The following SLC5A12 variants were observed in gnomAD, a reference collection of about 807,000 sequenced individuals.
SLC5A12 encodes sodium-coupled monocarboxylate transporter 2.
In SLC5A12, 46 loss-of-function variants were observed where a neutral mutation model predicts 72.7. The ratio of observed to expected loss-of-function variants is 0.63; its 90% CI spans 0.50 to 0.81. SLC5A12 has a LOEUF of 0.81. SLC5A12 is among the 30% of genes least tolerant of loss of function. The pLI, the probability that SLC5A12 is intolerant of heterozygous loss-of-function variation, is 0.00. For missense variants in SLC5A12, 683 were observed against 740.7 expected (o/e 0.92, Z 0.90); for synonymous variants, 275 against 264.4 (o/e 1.04, Z -0.39).
chr11:26,692,563 G>T lies in SLC5A12; in HGVS notation c.1079C>A (p.Thr360Asn). ...ASSINALATV[T>N]FEDFVKSCFP... ...ACAGCTCTTGACAAAATCCTCAAAGGTCACTGTTGCCAAGGCATTGATGCT... is the reference window on the plus strand; with the variant it reads ...ACAGCTCTTGACAAAATCCTCAAAGTTCACTGTTGCCAAGGCATTGATGCT... Residue 360 changes from threonine to asparagine, a missense_variant, in exon 9 of 15, where the codon ACC (threonine) becomes AAC (asparagine). Transcript: ENST00000396005. The T allele has an allele frequency of 6.2e-7, 1 of 1,614,040 alleles. No homozygotes were observed. The highest frequency in any genetic ancestry group is 8.5e-7 in the Non-Finnish European group (1 of 1,179,936).
At chr11:26,702,107 G>C (rs1371321657) in intron 6 of SLC5A12, among the ~76,000 whole-genome samples, 1 of 152,092 alleles carries the variant, frequency 6.6e-6, no homozygotes, top group African/African-American at 2.4e-5. Flanking sequence ...ATCTATTTTA[G>C]AGCAGAATTT....
At chr11:26,677,004 T>C (rs1274191775) in intron 13 of SLC5A12, among the ~76,000 whole-genome samples, 1 of 152,186 alleles carries the variant, frequency 6.6e-6, no homozygotes. Flanking sequence ...CTATTCTACA[T>C]TTAAACATTG....
chr11:26,681,217 G>A lies in SLC5A12; in HGVS notation c.1313C>T (p.Ala438Val). ...GATTCCAGTAAGAAGACCTCCTAGT[G>A]CACCCTGGATGAAGAAGAAAAAGGT... ...IVFPFVNWKG[A>V]LGGLLTGITL... Residue 438 changes from alanine (A) to valine (V), a missense_variant, in exon 12 of 15, where the codon GCA becomes GTA. Ala to Val is a moderately conservative substitution (Grantham distance 64). Coordinates refer to ENST00000396005, the MANE Select transcript of SLC5A12 (RefSeq NM_178498.4). The A allele has an allele frequency of 6.3e-7, 1 of 1,585,142 alleles. No individual in the cohort carries two copies. The highest frequency in any genetic ancestry group is 8.6e-7 in the Non-Finnish European group (1 of 1,167,162).
At chr11:26,697,946 G>A (rs189818775) in intron 7 of SLC5A12, among the ~76,000 whole-genome samples, 1 of 130,926 alleles carries the variant, frequency 7.6e-6, no homozygotes, top group East Asian at 2.3e-4. Context: ...CGCCCAGGCT[G>A]GAGTGCAGTG....
intron 1 of SLC5A12, among the ~76,000 whole-genome samples, chr11:26,717,050 G>C (rs1185896308): frequency 6.6e-6 from 1 of 151,962 alleles, no homozygotes; most frequent in African/African-American, 2.4e-5. Context: ...ATATAGCACC[G>C]TTCACTCTGC....
chr11:26,683,685 G>A, intron 11 of SLC5A12, 72 bp downstream of exon 11: 1 of 1,231,066 alleles, frequency 8.1e-7, no homozygotes, highest in Non-Finnish European at 1.2e-6. Context: ...TCTAAACAGG[G>A]CTGAGAGGAG....
At chr11:26,716,322 C>G (rs1365534007) in intron 1 of SLC5A12, 1 of 152,182 alleles carries the variant, frequency 6.6e-6, no homozygotes, top group Non-Finnish European at 1.5e-5. Context: ...TTGCTGGCAT[C>G]TCACTCTGTG....
intron 11 of SLC5A12, 72 bp from the exon 12 acceptor site, chr11:26,681,293 G>T: frequency 5.5e-6 from 5 of 913,748 alleles, no homozygotes; most frequent in Non-Finnish European, 6.3e-6. Flanking sequence ...GAGATGAGGA[G>T]TTCTATGCCT....
intron 11 of SLC5A12, 70 bp from the exon 12 acceptor site, chr11:26,681,291 G>T: frequency 8.6e-7 from 1 of 1,163,982 alleles, no homozygotes; most frequent in Non-Finnish European, 1.2e-6. Flanking sequence ...ATGAGATGAG[G>T]AGTTCTATGC....
At chr11:26,679,011 T>C (rs1854330050) in intron 12 of SLC5A12, among the ~76,000 whole-genome samples, 196 bp from the exon 13 acceptor site, 1 of 152,212 alleles carries the variant, frequency 6.6e-6, no homozygotes, top group African/African-American at 2.4e-5. Flanking sequence ...ATTACAAATA[T>C]AACGATGTTG....
chr11:26,701,777 C>T (rs553595906), intron 6 of SLC5A12, among the ~76,000 whole-genome samples: 16 of 152,144 alleles, frequency 1.1e-4, no homozygotes, highest in Non-Finnish European at 1.9e-4. Flanking sequence ...TACACATACA[C>T]ACTCACATAT....
At position 26,701,142 on chromosome 11, in the gene SLC5A12, A is replaced by ACCC. The variant is rs11412555; in HGVS notation, c.821+2386_821+2388dup. On this transcript the variant is annotated intron_variant, in intron 6 of 14. Coordinates refer to ENST00000396005, the MANE Select transcript of SLC5A12 (RefSeq NM_178498.4). ...AGGCTCCAGCTGTGTGACAGATGGGACCCCCCTCACCATTTTCTCACTACA... is the reference window on the plus strand; with the variant it reads ...AGGCTCCAGCTGTGTGACAGATGGGACCCCCCCCCTCACCATTTTCTCACTACA... Among the ~76,000 whole-genome samples, 39 of 151,710 alleles carry ACCC rather than the reference A, an allele frequency of 2.6e-4. 1 individual carries two copies. The highest frequency in any genetic ancestry group is 8.5e-4 in the African/African-American group (35 of 41,348).
At chr11:26,706,459 T>C (rs1855092111) in intron 4 of SLC5A12, among the ~76,000 whole-genome samples, 2 of 152,096 alleles carry the variant, frequency 1.3e-5, no homozygotes, top group South Asian at 4.1e-4. Context: ...TTTTAGTTTA[T>C]TGTGATTATA....
At position 26,721,941 on chromosome 11, in the gene SLC5A12, C is replaced by A; in HGVS notation, c.-227G>T. On this transcript the variant is annotated 5_prime_UTR_variant, in exon 1 of 15. Coordinates refer to ENST00000396005, the MANE Select transcript of SLC5A12 (RefSeq NM_178498.4). ...AAGAATCTGGTGGTGGTATTGGCACCAAGAGATGAGAATTTGAAATCTGAC... is the reference window on the plus strand; with the variant it reads ...AAGAATCTGGTGGTGGTATTGGCACAAAGAGATGAGAATTTGAAATCTGAC... The A allele has an allele frequency of 1.9e-6, 1 of 530,404 alleles. No individual in the cohort carries two copies. Among genetic ancestry groups the A allele is most frequent in the Non-Finnish European group, 3.3e-6 (1 of 299,594 alleles). The allele number at this position is 530,404 out of a possible 1,614,324, so 32.9% of individuals were successfully genotyped here.
chr11:26,706,956 T>C (rs1321591867), intron 4 of SLC5A12, among the ~76,000 whole-genome samples: 2 of 151,806 alleles, frequency 1.3e-5, no homozygotes, highest in Non-Finnish European at 2.9e-5. Context: ...TATTTTCTTA[T>C]CAATTTTTCT....
At chr11:26,720,821 CT>C (rs1855463316) in intron 1 of SLC5A12, among the ~76,000 whole-genome samples, 1 of 151,992 alleles carries the variant, frequency 6.6e-6, no homozygotes, top group African/African-American at 2.4e-5. Flanking sequence ...ATGTTTTGTA[CT>C]TTTCAAAAAT....
rs1854954784 is a variant in SLC5A12 at position 26,701,403 on chromosome 11, T to C, written c.821+2128A>G. Among the ~76,000 whole-genome samples, 3 of 152,314 alleles carry C rather than the reference T, an allele frequency of 2.0e-5. No individual in the cohort carries two copies. The South Asian group carries it at 6.2e-4, about 32-fold the overall frequency. ...ATGGCAGTCCTGAATATTAGAAAAT[T>C]ATGTACATTTGTTAGGAAATTATGT... On this transcript the variant is annotated intron_variant, in intron 6 of 14. Coordinates refer to ENST00000396005, the MANE Select transcript of SLC5A12 (RefSeq NM_178498.4).
intron 1 of SLC5A12, 62 bp downstream of exon 1, chr11:26,721,314 C>T: frequency 8.4e-7 from 1 of 1,190,590 alleles, no homozygotes; most frequent in Middle Eastern, 2.0e-4. Flanking sequence ...CTTCAACTAC[C>T]AGGTGCTATC....
At chr11:26,706,030 C>G (rs1373005637) in intron 4 of SLC5A12, among the ~76,000 whole-genome samples, 1 of 151,650 alleles carries the variant, frequency 6.6e-6, no homozygotes, top group Non-Finnish European at 1.5e-5. Flanking sequence ...CATATTTAAT[C>G]AAACTGCCTT....
Sources: allele counts gnomAD v4.1 joint callset (sites outside exome capture counted in the v4.1 genomes callset), GRCh38; gene constraint gnomAD v4.1.1; transcripts MANE v1.5; gene names NCBI Gene and HGNC (gene_info 2026-07-23, HGNC 2026-07-21).